ADGRL2: variants seen among roughly 807,000 people sequenced by gnomAD.
ADGRL2 encodes calcium-independent alpha-latrotoxin receptor 2.
A neutral mutation model predicts 157.4 loss-of-function variants in ADGRL2; 44 were observed. That is an observed-to-expected ratio of 0.28 (90% CI 0.22 to 0.36). ADGRL2 has a LOEUF of 0.36. Ranked by LOEUF, ADGRL2 falls within the 10% of genes least tolerant of loss-of-function variation. The pLI is 1.00. For missense variants in ADGRL2, 1,510 were observed against 1,768.9 expected (o/e 0.85, Z 2.63); for synonymous variants, 585 against 624.7 (o/e 0.94, Z 0.95).
intron 11 of ADGRL2, among the ~76,000 whole-genome samples, chr1:81,963,458 C>T (rs1468330191): frequency 6.6e-6 from 1 of 151,878 alleles, no homozygotes; most frequent in African/African-American, 2.4e-5. Flanking sequence ...ATCATTTTGA[C>T]TTTAAATGGA....
At chr1:81,514,960 T>C (rs2079147543) in intron 2 of ADGRL2, 2 of 152,226 alleles carry the variant, frequency 1.3e-5, no homozygotes. Flanking sequence ...CAAGGACACA[T>C]ATTTTCTCTT....
At chr1:81,874,552 A>G (rs941342794) in intron 2 of ADGRL2, among the ~76,000 whole-genome samples, 7 of 151,522 alleles carry the variant, frequency 4.6e-5, no homozygotes, top group African/African-American at 1.7e-4. Context: ...ATGTTTCTCC[A>G]CTTGCTTTCT....
chr1:81,359,274 G>A (rs994368476), intron 1 of ADGRL2, among the ~76,000 whole-genome samples: 1 of 151,976 alleles, frequency 6.6e-6, no homozygotes, highest in African/African-American at 2.4e-5. Context: ...TACGTTTATT[G>A]AACATCTGCC....
chr1:81,896,014 TACTC>T (rs1462242114), intron 2 of ADGRL2, among the ~76,000 whole-genome samples: 1 of 152,200 alleles, frequency 6.6e-6, no homozygotes, highest in African/African-American at 2.4e-5. Context: ...AATAAATACA[TACTC>T]AGGCTGGATG....
intron 3 of ADGRL2, among the ~76,000 whole-genome samples, chr1:81,923,496 C>G (rs181415548): frequency 6.6e-6 from 1 of 152,132 alleles, no homozygotes; most frequent in African/African-American, 2.4e-5. Context: ...TCCCTACTTG[C>G]TCTACTGCTC....
chr1:81,659,447 G>C (rs763422729), intron 3 of ADGRL2, among the ~76,000 whole-genome samples: 6 of 152,094 alleles, frequency 3.9e-5, no homozygotes, highest in African/African-American at 1.4e-4. Context: ...AAGGATAAAC[G>C]TAGAGGGGAA....
intron 1 of ADGRL2, among the ~76,000 whole-genome samples, chr1:81,375,419 T>C (rs756136244): frequency 6.6e-6 from 1 of 152,188 alleles, no homozygotes; most frequent in African/African-American, 2.4e-5. Context: ...GCAAGATGGA[T>C]CATTTACAAT....
At chr1:81,949,816 T>C (rs1253771517) in intron 6 of ADGRL2, among the ~76,000 whole-genome samples, 1 of 152,210 alleles carries the variant, frequency 6.6e-6, no homozygotes, top group African/African-American at 2.4e-5. Context: ...TTATAGAATG[T>C]GAGTTTATAC....
At chr1:81,327,838 C>T (rs549191261) in intron 1 of ADGRL2, among the ~76,000 whole-genome samples, 6 of 152,194 alleles carry the variant, frequency 3.9e-5, no homozygotes, top group South Asian at 4.1e-4. Flanking sequence ...CCGTTTAAAA[C>T]GTATAGGTCA....
At chr1:81,377,389 T>C (rs2076268694) in intron 1 of ADGRL2, among the ~76,000 whole-genome samples, 1 of 152,156 alleles carries the variant, frequency 6.6e-6, no homozygotes, top group Non-Finnish European at 1.5e-5. Flanking sequence ...ATCATGATCA[T>C]TATTACCCTC....
At chr1:81,441,600 C>T (rs1275318028) in intron 1 of ADGRL2, among the ~76,000 whole-genome samples, 1 of 152,188 alleles carries the variant, frequency 6.6e-6, no homozygotes, top group Non-Finnish European at 1.5e-5. Context: ...TCTTGGCTCA[C>T]TGCAACCTCT....
intron 4 of ADGRL2, among the ~76,000 whole-genome samples, chr1:81,939,294 G>A (rs1344066458): frequency 6.6e-6 from 1 of 151,432 alleles, no homozygotes; most frequent in Non-Finnish European, 1.5e-5. Context: ...GGTATCCATT[G>A]TCATTGCCAG....
At chr1:81,341,259 A>T (rs541010926) in intron 1 of ADGRL2, among the ~76,000 whole-genome samples, 1 of 152,264 alleles carries the variant, frequency 6.6e-6, no homozygotes, top group East Asian at 1.9e-4. Flanking sequence ...TTAGAAGTAA[A>T]AATATATTTT....
chr1:81,886,078 T>C (rs1557845467), intron 2 of ADGRL2, among the ~76,000 whole-genome samples: 1 of 152,190 alleles, frequency 6.6e-6, no homozygotes, highest in African/African-American at 2.4e-5. Context: ...TTTTATCTTT[T>C]TTGTTGAAAG....
chr1:81,712,134 T>C (rs888982025), intron 1 of ADGRL2, among the ~76,000 whole-genome samples: 2 of 152,052 alleles, frequency 1.3e-5, no homozygotes, highest in Non-Finnish European at 2.9e-5. Flanking sequence ...ATGGTTTCTA[T>C]ATGGCAACTG....
At chr1:81,788,206 G>C (rs1173393667) in intron 2 of ADGRL2, among the ~76,000 whole-genome samples, 2 of 152,158 alleles carry the variant, frequency 1.3e-5, no homozygotes, top group African/African-American at 4.8e-5. Flanking sequence ...GAGTAAGAAA[G>C]GGTGATAGTT....
At chr1:81,635,353 C>A (rs931157961) in intron 3 of ADGRL2, among the ~76,000 whole-genome samples, 3 of 152,204 alleles carry the variant, frequency 2.0e-5, no homozygotes, top group African/African-American at 7.2e-5. Context: ...CTCTTCTCAG[C>A]CTCTAGCTTT....
chr1:81,664,153 C>A (rs1342516992), intron 3 of ADGRL2, among the ~76,000 whole-genome samples: 1 of 151,756 alleles, frequency 6.6e-6, no homozygotes, highest in Non-Finnish European at 1.5e-5. Context: ...ATCTTTGTAT[C>A]CTCCGTGCCC....
chr1:81,381,403 C>A (rs1001515801), intron 1 of ADGRL2, among the ~76,000 whole-genome samples: 4 of 151,842 alleles, frequency 2.6e-5, no homozygotes, highest in African/African-American at 9.7e-5. Flanking sequence ...AAACTCTTTC[C>A]CCTTGTTTAA....
Sources: gnomAD v4.1 joint callset for allele counts (sites outside exome capture counted in the v4.1 genomes callset) on GRCh38, gnomAD v4.1.1 for gene constraint, MANE v1.5 for transcripts, NCBI Gene and HGNC (gene_info 2026-07-23, HGNC 2026-07-21) for gene names.